UBR3: variants seen among roughly 807,000 people sequenced by gnomAD.
UBR3 encodes E3 ubiquitin-protein ligase UBR3.
Under a neutral mutation model 243.2 loss-of-function variants are expected in UBR3, and 85 were observed. The ratio of observed to expected loss-of-function variants is 0.35; its 90% CI spans 0.29 to 0.42. The LOEUF (loss-of-function observed/expected upper bound fraction) is 0.42, where lower values mean the gene tolerates loss of function less well. UBR3 is among the 10% of genes least tolerant of loss of function. UBR3 has a pLI of 1.00. For synonymous variants in UBR3, 748 were observed against 799.8 expected, an observed-to-expected ratio of 0.94 and a Z score of 1.09; for missense variants, 1,686 against 2,300.8, an observed-to-expected ratio of 0.73 and a Z score of 5.47.
chr2:169,879,462 C>T (rs746948234), intron 5 of UBR3, among the ~76,000 whole-genome samples: 2 of 152,022 alleles, frequency 1.3e-5, no homozygotes, highest in Non-Finnish European at 2.9e-5. Flanking sequence ...TCATTTTGGG[C>T]AATTTTCAAG....
chr2:170,082,052 GTTAAA>G lies in UBR3; in HGVS notation c.*213_*217del. 1 of 375,670 alleles carries G rather than the reference GTTAAA, an allele frequency of 2.7e-6. No homozygotes were observed. The highest frequency in any genetic ancestry group is 4.7e-6 in the Non-Finnish European group (1 of 211,020). The allele number at this position is 375,670 out of a possible 1,614,324, so 23.3% of individuals were successfully genotyped here. A position where few individuals can be genotyped will look rare whatever the true frequency, so the allele number is the denominator to read the frequency against. Reference sequence around the variant, plus strand: ...AATATCTGGAGAACATTAATAACAAGTTAAATTATTCTTTAGTGGTCATTTTTTAA... The same window carrying G: ...AATATCTGGAGAACATTAATAACAAGTTATTCTTTAGTGGTCATTTTTTAA... On this transcript the variant is annotated 3_prime_UTR_variant, in exon 39 of 39. Transcript: ENST00000272793.
intron 10 of UBR3, among the ~76,000 whole-genome samples, chr2:169,909,340 T>A (rs1005268795): frequency 3.9e-5 from 6 of 152,170 alleles, no homozygotes; most frequent in African/African-American, 1.4e-4. Context: ...TGGAGAAGAC[T>A]GGATTTGAGC....
intron 10 of UBR3, 99 bp downstream of exon 10, chr2:169,906,263 G>A: frequency 7.6e-7 from 1 of 1,322,410 alleles, no homozygotes; most frequent in Non-Finnish European, 9.9e-7. Flanking sequence ...GTTTAATTTT[G>A]TTTCAAATTG....
intron 5 of UBR3, among the ~76,000 whole-genome samples, chr2:169,886,339 T>G (rs925401429): frequency 2.4e-4 from 37 of 152,160 alleles, no homozygotes; most frequent in Admixed American, 6.5e-4. Context: ...ACAACATTCC[T>G]GACAGTTGGT....
chr2:169,917,430 T>C (rs2085505133), intron 11 of UBR3, among the ~76,000 whole-genome samples: 1 of 152,148 alleles, frequency 6.6e-6, no homozygotes, highest in South Asian at 2.1e-4. Context: ...AATAGTAGCA[T>C]CAGTAAGACA....
chr2:170,029,484 T>A, intron 31 of UBR3, 36 bp downstream of exon 31: 1 of 1,506,278 alleles, frequency 6.6e-7, no homozygotes, highest in Non-Finnish European at 9.0e-7. Context: ...CAATTAAAAC[T>A]CTTTATGAAA....
At chr2:169,964,614 G>A in intron 24 of UBR3, 1 of 379,322 alleles carries the variant, frequency 2.6e-6, no homozygotes, top group South Asian at 2.1e-5. Flanking sequence ...TCAGGGTTAG[G>A]TAAAAGGTGA....
intron 5 of UBR3, among the ~76,000 whole-genome samples, chr2:169,890,557 ATATATATGTG>A (rs2084312716): frequency 1.1e-5 from 1 of 93,964 alleles, no homozygotes; most frequent in Non-Finnish European, 2.2e-5. Context: ...ATATATATAT[ATATATATGTG>A]TATATATATA....
intron 20 of UBR3, among the ~76,000 whole-genome samples, chr2:169,943,327 G>A (rs2086661495): frequency 6.6e-6 from 1 of 152,174 alleles, no homozygotes; most frequent in Admixed American, 6.5e-5. Context: ...AGAAGGCTGG[G>A]CGCGGTGGCT....
chr2:169,998,439 T>A (rs2105397809), intron 26 of UBR3, among the ~76,000 whole-genome samples: 1 of 152,362 alleles, frequency 6.6e-6, no homozygotes, highest in East Asian at 1.9e-4. Flanking sequence ...ACATCATTAC[T>A]TTTGTATGCT....
At chr2:169,989,824 A>T (rs2089195541) in intron 25 of UBR3, among the ~76,000 whole-genome samples, 1 of 152,168 alleles carries the variant, frequency 6.6e-6, no homozygotes, top group African/African-American at 2.4e-5. Context: ...CTCTATAGTT[A>T]CTTTCTTGTT....
At chr2:169,836,851 T>G (rs1336638293) in intron 1 of UBR3, among the ~76,000 whole-genome samples, 1 of 152,212 alleles carries the variant, frequency 6.6e-6, no homozygotes, top group Non-Finnish European at 1.5e-5. Context: ...TTACTGAGTT[T>G]TAAGAATGCT....
intron 27 of UBR3, among the ~76,000 whole-genome samples, chr2:170,002,485 G>A (rs748135279): frequency 9.2e-5 from 14 of 152,064 alleles, no homozygotes; most frequent in Non-Finnish European, 1.8e-4. Context: ...AGAAAACAGC[G>A]TCTGTTGTCA....
At chr2:169,945,917 A>T (rs1238290833) in intron 20 of UBR3, among the ~76,000 whole-genome samples, 1 of 152,176 alleles carries the variant, frequency 6.6e-6, no homozygotes, top group Non-Finnish European at 1.5e-5. Context: ...AATTTTAGAG[A>T]CATATTTTTA....
chr2:170,005,902 A>C (rs576891027), intron 27 of UBR3, among the ~76,000 whole-genome samples: 2 of 152,312 alleles, frequency 1.3e-5, no homozygotes, highest in East Asian at 3.9e-4. Flanking sequence ...GCTAAATGAC[A>C]TGAGCCACAA....
chr2:170,007,166 G>A lies in UBR3; in HGVS notation c.4206G>A (p.Leu1402=), dbSNP rs562556245. ...IQDLIKEVEE[L]QGRPGAFPSE... Reference sequence around the variant, plus strand: ...ATCTCATAAAGGAAGTGGAGGAGCTGCAGGGACGACCGGGAGCTTTCCCAG... The same window carrying A: ...ATCTCATAAAGGAAGTGGAGGAGCTACAGGGACGACCGGGAGCTTTCCCAG... The change falls in exon 28 of 39, where the codon CTG becomes CTA. Residue 1402 remains leucine (L), a synonymous_variant. Coordinates refer to ENST00000272793, the MANE Select transcript of UBR3 (RefSeq NM_172070.4). 123 of 1,608,114 alleles carry A rather than the reference G, an allele frequency of 7.6e-5. No individual in the cohort carries two copies. The highest frequency in any genetic ancestry group is 6.6e-4 in the South Asian group (59 of 89,904).
chr2:169,875,514 T>A (rs2083574905), intron 2 of UBR3, among the ~76,000 whole-genome samples: 2 of 152,146 alleles, frequency 1.3e-5, no homozygotes, highest in African/African-American at 2.4e-5. Context: ...ATTTAAATGC[T>A]TCTTACACAA....
At chr2:169,887,822 G>C (rs922609129) in intron 5 of UBR3, among the ~76,000 whole-genome samples, 1 of 150,548 alleles carries the variant, frequency 6.6e-6, no homozygotes, top group African/African-American at 2.4e-5. Flanking sequence ...TGTTGCCCAG[G>C]CTGGAGTGCA....
chr2:170,025,870 A>G (rs1574415533), intron 30 of UBR3, among the ~76,000 whole-genome samples: 1 of 152,136 alleles, frequency 6.6e-6, no homozygotes, highest in East Asian at 1.9e-4. Context: ...CTCAAGTAAG[A>G]GTGTCATTCA....
Sources: gnomAD v4.1 joint callset for allele counts (sites outside exome capture counted in the v4.1 genomes callset) on GRCh38, gnomAD v4.1.1 for gene constraint, MANE v1.5 for transcripts, NCBI Gene and HGNC (gene_info 2026-07-23, HGNC 2026-07-21) for gene names.